The following LRIF1 variants were observed in gnomAD, a reference collection of about 807,000 sequenced individuals.
LRIF1 encodes ligand-dependent nuclear receptor-interacting factor 1.
LRIF1 carries 32 observed loss-of-function variants against 52.7 expected under a neutral mutation model. The ratio of observed to expected loss-of-function variants is 0.61; its 90% CI spans 0.46 to 0.82. The LOEUF is 0.82. Ranked by LOEUF, LRIF1 falls within the 40% of genes least tolerant of loss-of-function variation. The probability of loss-of-function intolerance (pLI) is 0.00; values close to 1 mark genes in which losing one functional copy is unlikely to be tolerated. For missense variants in LRIF1, 887 were observed against 892.0 expected (o/e 0.99, Z 0.07); for synonymous variants, 323 against 317.4 (o/e 1.02, Z -0.19).
At chr1:110,958,953 G>A (rs567171184) in intron 1 of LRIF1, among the ~76,000 whole-genome samples, 5 of 152,226 alleles carry the variant, frequency 3.3e-5, no homozygotes, top group African/African-American at 1.2e-4. Flanking sequence ...GATGAAATTC[G>A]TACTCCTTCT....
chr1:110,915,466 C>T, the LRIF1 span, among the ~76,000 whole-genome samples: 4 of 151,044 alleles, frequency 2.6e-5, no homozygotes, highest in Admixed American at 1.3e-4. Flanking sequence ...CCAGCCTGGG[C>T]GACAGAGCGA....
chr1:110,912,048 A>C, the LRIF1 span, among the ~76,000 whole-genome samples: 1 of 152,238 alleles, frequency 6.6e-6, no homozygotes, highest in African/African-American at 2.4e-5. Flanking sequence ...CAACTGGAAA[A>C]GAACAAGTCA....
At chr1:110,875,637 A>G in the LRIF1 span, among the ~76,000 whole-genome samples, 14 of 112,056 alleles carry the variant, frequency 1.2e-4, no homozygotes, top group East Asian at 3.1e-3. Flanking sequence ...GGCCCTAGAG[A>G]CTGGGCACCT....
At chr1:110,906,474 T>C in the LRIF1 span, among the ~76,000 whole-genome samples, 1 of 152,002 alleles carries the variant, frequency 6.6e-6, no homozygotes, top group Non-Finnish European at 1.5e-5. Flanking sequence ...AGCCCAGAAG[T>C]TCAAGGCTGC....
the LRIF1 span, among the ~76,000 whole-genome samples, chr1:110,907,759 GT>G: frequency 6.6e-5 from 10 of 152,064 alleles, no homozygotes; most frequent in Admixed American, 3.9e-4. Flanking sequence ...GTTTTGAGAA[GT>G]TTTTTTCTTT....
At chr1:110,900,091 G>A in the LRIF1 span, among the ~76,000 whole-genome samples, 513 of 152,274 alleles carry the variant, frequency 3.4e-3, 6 homozygotes, top group African/African-American at 0.012. Context: ...TGTGGGTCAG[G>A]AATCTAGGAG....
chr1:110,894,413 AG>A, the LRIF1 span: 3 of 1,603,216 alleles, frequency 1.9e-6, no homozygotes, highest in African/African-American at 4.0e-5. Flanking sequence ...TAAGTTATAA[AG>A]ACAACAACTT....
the LRIF1 span, among the ~76,000 whole-genome samples, chr1:110,891,729 G>T: frequency 7.6e-4 from 115 of 152,168 alleles, no homozygotes; most frequent in African/African-American, 2.7e-3. Flanking sequence ...ACTACTACTC[G>T]TAGCTAACAT....
intron 1 of LRIF1, among the ~76,000 whole-genome samples, chr1:110,962,950 T>C (rs1249296279): frequency 1.3e-5 from 2 of 152,012 alleles, no homozygotes; most frequent in Non-Finnish European, 1.5e-5. Context: ...TTACTGATCA[T>C]CTATTTTCTA....
At chr1:110,931,254 G>A in the LRIF1 span, among the ~76,000 whole-genome samples, 1 of 152,012 alleles carries the variant, frequency 6.6e-6, no homozygotes, top group East Asian at 1.9e-4. Flanking sequence ...CTCTCCTTGT[G>A]ACAGTTTGCT....
chr1:110,945,368 T>C (rs559079625), downstream of LRIF1, among the ~76,000 whole-genome samples: 13 of 152,192 alleles, frequency 8.5e-5, no homozygotes, highest in African/African-American at 2.9e-4. Flanking sequence ...ATTTTTAATA[T>C]TTCACTTGCC....
the LRIF1 span, among the ~76,000 whole-genome samples, chr1:110,882,286 G>A: frequency 1.3e-5 from 2 of 152,056 alleles, no homozygotes; most frequent in African/African-American, 4.8e-5. Context: ...AGGTATAAAT[G>A]CAAGTTCATT....
chr1:110,877,299 C>T, the LRIF1 span, among the ~76,000 whole-genome samples: 14 of 152,314 alleles, frequency 9.2e-5, no homozygotes, highest in African/African-American at 3.4e-4. Context: ...GGAATACCAA[C>T]AAAGTGGCTT....
downstream of LRIF1, among the ~76,000 whole-genome samples, chr1:110,946,245 T>C (rs1432290926): frequency 6.6e-6 from 1 of 152,130 alleles, no homozygotes; most frequent in Non-Finnish European, 1.5e-5. Context: ...AAGAAAAACA[T>C]ATTGTATGAT....
At position 110,947,985 on chromosome 1, in the gene LRIF1, T is replaced by C. The variant is rs1277337797; in HGVS notation, c.2284A>G (p.Met762Val). 12 of 1,583,906 alleles carry C rather than the reference T, an allele frequency of 7.6e-6. No individual in the cohort carries two copies. The highest frequency in any genetic ancestry group is 1.0e-5 in the Non-Finnish European group (12 of 1,168,344). ...TATTTTTGGTGCATCTTCTTACGCA[T>C]TTCTTCAAGAGCTGCTTCTTTCTCT... ...LREKEAALEE[M>V]RKKMHQK The change falls in exon 4 of 4, where the codon ATG (methionine) becomes GTG (valine). Residue 762 changes from methionine (M) to valine (V), a missense_variant. Transcript: ENST00000369763.
At chr1:110,912,841 C>T in the LRIF1 span, among the ~76,000 whole-genome samples, 4 of 152,254 alleles carry the variant, frequency 2.6e-5, no homozygotes, top group East Asian at 7.7e-4. Flanking sequence ...CTAAAATTCA[C>T]ATGGGTCTAG....
At chr1:110,893,932 CA>C in the LRIF1 span, among the ~76,000 whole-genome samples, 435 of 152,362 alleles carry the variant, frequency 2.9e-3, 2 homozygotes, top group African/African-American at 0.01. Flanking sequence ...CCACTACCAG[CA>C]GTCCTCCACC....
At chr1:110,902,319 C>T in the LRIF1 span, among the ~76,000 whole-genome samples, 1 of 152,000 alleles carries the variant, frequency 6.6e-6, no homozygotes, top group Non-Finnish European at 1.5e-5. Flanking sequence ...TTTTGTTTTA[C>T]TCACCAAAAT....
chr1:110,951,835 A>G lies in LRIF1; in HGVS notation c.1049T>C (p.Met350Thr), dbSNP rs1269755420. ...IDPSGTRSKN[M>T]PIKDNALVMF... ...AACCAAAGCATTATCTTTAATAGGCATATTTTTGGATCGCGTCCCACTAGG... is the reference window on the plus strand; with the variant it reads ...AACCAAAGCATTATCTTTAATAGGCGTATTTTTGGATCGCGTCCCACTAGG... The change falls in exon 2 of 4, where the codon ATG (methionine) becomes ACG (threonine). Residue 350 changes from methionine (M) to threonine (T), a missense_variant. By Grantham distance (81) the Met-to-Thr change is moderately conservative. Transcript: ENST00000369763. 36 of 1,613,072 alleles carry G rather than the reference A, an allele frequency of 2.2e-5. No individual in the cohort carries two copies. The highest frequency in any genetic ancestry group is 3.1e-5 in the Non-Finnish European group (36 of 1,180,026).
Sources: allele counts gnomAD v4.1 joint callset (sites outside exome capture counted in the v4.1 genomes callset), GRCh38; gene constraint gnomAD v4.1.1; transcripts MANE v1.5; gene names NCBI Gene and HGNC (gene_info 2026-07-23, HGNC 2026-07-21).